GRID1: variants seen among roughly 807,000 people sequenced by gnomAD.
The protein encoded by GRID1 is glutamate ionotropic receptor delta type subunit 1.
GRID1 carries 28 observed loss-of-function variants against 98.0 expected under a neutral mutation model. The ratio of observed to expected loss-of-function variants is 0.29; its 90% CI spans 0.21 to 0.39. GRID1 has a LOEUF of 0.39. Among genes scored for constraint, GRID1 ranks in the 10% least tolerant of loss-of-function variants. GRID1 has a pLI of 1.00. For synonymous variants in GRID1, 553 were observed against 538.5 expected (o/e 1.03, Z -0.37); for missense variants, 1,111 against 1,340.5 (o/e 0.83, Z 2.67).
At chr10:86,259,366 C>T (rs942024062) in intron 2 of GRID1, among the ~76,000 whole-genome samples, 1 of 152,224 alleles carries the variant, frequency 6.6e-6, no homozygotes, top group African/African-American at 2.4e-5. Context: ...TGTACCTATC[C>T]ATGTTCACTG....
chr10:85,804,745 C>T (rs551334038), intron 8 of GRID1, among the ~76,000 whole-genome samples: 49 of 151,900 alleles, frequency 3.2e-4, no homozygotes, highest in African/African-American at 1.2e-3. Flanking sequence ...ATAACAATCA[C>T]AGTAAAAATT....
chr10:85,605,013 A>G (rs1034528697), intron 15 of GRID1, among the ~76,000 whole-genome samples: 1 of 152,202 alleles, frequency 6.6e-6, no homozygotes, highest in Non-Finnish European at 1.5e-5. Flanking sequence ...AATCCGGAAC[A>G]AAGAGACAGA....
chr10:85,626,855 G>A (rs1311343942), intron 13 of GRID1, among the ~76,000 whole-genome samples: 1 of 152,198 alleles, frequency 6.6e-6, no homozygotes, highest in Non-Finnish European at 1.5e-5. Context: ...GTGGGAGTGT[G>A]GCTGGCGTGA....
chr10:86,248,563 CTTTTTTTTTTTTTTTTTTTT>C (rs200060771), intron 2 of GRID1, among the ~76,000 whole-genome samples: 9 of 121,824 alleles, frequency 7.4e-5, no homozygotes, highest in Admixed American at 8.7e-5. Context: ...CATGACAATT[CTTTTTTTTTTTTTTTTTTTT>C]TTTTTTTTTT....
chr10:86,299,968 T>C (rs1847658032), intron 2 of GRID1, among the ~76,000 whole-genome samples: 1 of 152,150 alleles, frequency 6.6e-6, no homozygotes. Flanking sequence ...AAAAGTCACA[T>C]CCACCCCAAC....
intron 13 of GRID1, among the ~76,000 whole-genome samples, chr10:85,631,039 C>A (rs1842971085): frequency 6.6e-6 from 1 of 152,198 alleles, no homozygotes; most frequent in East Asian, 1.9e-4. Context: ...GAATATCTTC[C>A]TGAAAAGAAC....
chr10:86,107,291 A>C (rs758062476), intron 4 of GRID1, among the ~76,000 whole-genome samples: 1 of 152,218 alleles, frequency 6.6e-6, no homozygotes, highest in South Asian at 2.1e-4. Context: ...CCAAACAGCT[A>C]TTCTGCTGGA....
chr10:86,174,836 T>A (rs1009325642), intron 3 of GRID1, among the ~76,000 whole-genome samples: 1 of 151,870 alleles, frequency 6.6e-6, no homozygotes, highest in Non-Finnish European at 1.5e-5. Context: ...GTGAAGGACA[T>A]CAACAGACAC....
At chr10:85,888,823 C>T (rs892113419) in intron 5 of GRID1, among the ~76,000 whole-genome samples, 4 of 152,112 alleles carry the variant, frequency 2.6e-5, no homozygotes, top group African/African-American at 7.2e-5. Flanking sequence ...TTCATCTTCT[C>T]TGAGCTTCCT....
chr10:86,202,137 C>T (rs77149545), intron 3 of GRID1, among the ~76,000 whole-genome samples: 3 of 152,212 alleles, frequency 2.0e-5, no homozygotes, highest in Non-Finnish European at 2.9e-5. Context: ...CCCAGGTCTG[C>T]GAGCTAGCCC....
intron 12 of GRID1, among the ~76,000 whole-genome samples, chr10:85,681,021 T>C (rs1391999011): frequency 3.9e-5 from 6 of 152,338 alleles, no homozygotes; most frequent in Non-Finnish European, 7.3e-5. Context: ...AATTACCTTA[T>C]GGGTACTATG....
chr10:85,671,389 T>C (rs1176178313), intron 12 of GRID1, among the ~76,000 whole-genome samples: 1 of 152,114 alleles, frequency 6.6e-6, no homozygotes, highest in Admixed American at 6.5e-5. Context: ...TTATTACTAT[T>C]ATTATTATTA....
In GRID1 at chr10:86,080,415, AGGGGAGGGGAGGGGAGGGGAGGGGAGGGG is replaced by A. The variant is rs1564668674; in HGVS notation, c.726+58375_726+58403del. 4.1e-4 allele frequency among the ~76,000 whole-genome samples: 10 copies of A among 24,534 alleles called. 1 individual carries two copies. The highest frequency in any genetic ancestry group is 4.5e-4 in the Non-Finnish European group (7 of 15,532). 16.1% of individuals were successfully genotyped at this position (24,534 alleles called of 152,430 possible). A position where few individuals can be genotyped will look rare whatever the true frequency, so the allele number is the denominator to read the frequency against. ...AGGGAAGGGAAGGGAAGGGAAGGGGAGGGGAGGGGAGGGGAGGGGAGGGGAGGGGAGGGGAGGGGAGGGGAGGGGAGGGA... is the reference window on the plus strand; with the variant it reads ...AGGGAAGGGAAGGGAAGGGAAGGGGAAGGGGAGGGGAGGGGAGGGGAGGGA... On this transcript the variant is annotated intron_variant, in intron 4 of 15. Coordinates refer to ENST00000327946, the MANE Select transcript of GRID1 (RefSeq NM_017551.3).
intron 2 of GRID1, among the ~76,000 whole-genome samples, chr10:86,319,301 G>A (rs1473971222): frequency 6.6e-6 from 1 of 152,178 alleles, no homozygotes; most frequent in Non-Finnish European, 1.5e-5. Context: ...GGCTCACTCT[G>A]ACAATTGTGT....
At chr10:86,045,868 C>T (rs935564943) in intron 4 of GRID1, among the ~76,000 whole-genome samples, 3 of 152,110 alleles carry the variant, frequency 2.0e-5, no homozygotes, top group African/African-American at 7.2e-5. Flanking sequence ...CTGGCTGAAA[C>T]CGTAGTTTAG....
At chr10:86,162,452 T>C (rs959264179) in intron 3 of GRID1, among the ~76,000 whole-genome samples, 1 of 152,180 alleles carries the variant, frequency 6.6e-6, no homozygotes, top group Non-Finnish European at 1.5e-5. Flanking sequence ...TAGGGACAGC[T>C]AACTGCAAAC....
chr10:86,205,754 A>G (rs1409644109), intron 3 of GRID1, among the ~76,000 whole-genome samples: 1 of 152,168 alleles, frequency 6.6e-6, no homozygotes. Flanking sequence ...ACCTGAAGCC[A>G]TTTCTCCAAA....
rs1004350164 is a variant in GRID1, at chr10:86,190,890, ATGAG to A, written c.520+15470_520+15473del. Among the ~76,000 whole-genome samples the A allele has an allele frequency of 2.6e-5, 4 of 151,524 alleles. No homozygotes were observed. In the East Asian group the frequency reaches 5.8e-4, roughly 22 times the overall value. ...TGTGTGCATAGTCGTGCATGCATGC[ATGAG>A]TGTGTACGTGCATGCATGCATGAGT... On this transcript the variant is annotated intron_variant, in intron 3 of 15. Transcript: ENST00000327946.
At position 86,282,453 on chromosome 10, in the gene GRID1, G is replaced by A. The variant is rs1847369778; in HGVS notation, c.236-75805C>T. ...TTCCATGGATCCAGGTGCCGGCTGA[G>A]CCTGTCCTCACAGGGGATCCGTGGT... is the stretch of plus-strand genomic sequence containing the variant. On this transcript the variant is annotated intron_variant, in intron 2 of 15. Coordinates refer to ENST00000327946, the MANE Select transcript of GRID1 (RefSeq NM_017551.3). Among the ~76,000 whole-genome samples, 2 of 152,180 alleles carry A rather than the reference G, an allele frequency of 1.3e-5. 1 individual carries two copies. The highest frequency in any genetic ancestry group is 1.3e-4 in the Admixed American group (2 of 15,286).
Sources: allele counts gnomAD v4.1 joint callset (sites outside exome capture counted in the v4.1 genomes callset), GRCh38; gene constraint gnomAD v4.1.1; transcripts MANE v1.5; gene names NCBI Gene and HGNC (gene_info 2026-07-23, HGNC 2026-07-21).